The following PLOD2 variants were observed in gnomAD, a reference collection of about 807,000 sequenced individuals.
PLOD2 encodes the protein procollagen-lysine,2-oxoglutarate 5-dioxygenase 2.
Under a neutral mutation model 101.0 loss-of-function variants are expected in PLOD2, and 65 were observed. The observed-to-expected ratio is 0.64, with a 90% CI of 0.53 to 0.79. The LOEUF is 0.79. PLOD2 is among the 30% of genes least tolerant of loss of function. PLOD2 has a pLI of 0.00. For missense variants in PLOD2, 909 were observed against 914.6 expected, an observed-to-expected ratio of 0.99 and a Z score of 0.08; for synonymous variants, 314 against 302.9, an observed-to-expected ratio of 1.04 and a Z score of -0.38.
intron 4 of PLOD2, among the ~76,000 whole-genome samples, chr3:146,108,151 T>C (rs1937569057): frequency 6.6e-6 from 1 of 152,124 alleles, no homozygotes; most frequent in Admixed American, 6.6e-5. Context: ...ACATATTTTA[T>C]GTGATTTATA....
chr3:146,137,743 C>T (rs574960160), intron 1 of PLOD2, among the ~76,000 whole-genome samples: 3 of 152,162 alleles, frequency 2.0e-5, no homozygotes, highest in South Asian at 4.1e-4. Flanking sequence ...GAATAAATTC[C>T]GAGTACCAGG....
chr3:146,146,724 G>A (rs965032), intron 1 of PLOD2, among the ~76,000 whole-genome samples: 104,512 of 152,118 alleles, frequency 0.69, 36,295 homozygotes, highest in East Asian at 0.8. Flanking sequence ...CTGATTCCCC[G>A]CTGGGACAGA....
chr3:146,084,893 C>CA (rs1421858110), intron 11 of PLOD2, among the ~76,000 whole-genome samples: 1 of 152,034 alleles, frequency 6.6e-6, no homozygotes, highest in Non-Finnish European at 1.5e-5. Flanking sequence ...ATTTTAGTAT[C>CA]AGATGTATCA....
At chr3:146,076,965 T>C in intron 14 of PLOD2, 70 bp from the exon 15 acceptor site, 2 of 1,312,238 alleles carry the variant, frequency 1.5e-6, no homozygotes, top group African/African-American at 1.6e-5. Flanking sequence ...ATAGGAAAAA[T>C]ATATAGAAGA....
chr3:146,155,065 T>C (rs1319802649), intron 1 of PLOD2, among the ~76,000 whole-genome samples: 1 of 152,200 alleles, frequency 6.6e-6, no homozygotes, highest in Non-Finnish European at 1.5e-5. Context: ...TGAAGAGGTA[T>C]CTTTGTGACA....
chr3:146,088,656 G>A lies in PLOD2; in HGVS notation c.935C>T (p.Pro312Leu), dbSNP rs779234040. The change falls in exon 9 of 20, where the codon CCT (proline) becomes CTT (leucine). Residue 312 changes from proline to leucine, a missense_variant. Coordinates refer to ENST00000282903, the MANE Select transcript of PLOD2 (RefSeq NM_182943.3). ...TGTCAACAATATGTCCAGAAACCGAGGTAGAAAAGGGGTTGGTTGCTCAAT... is the reference window on the plus strand; with the variant it reads ...TGTCAACAATATGTCCAGAAACCGAAGTAGAAAAGGGGTTGGTTGCTCAAT... The part of the protein sequence containing the change: ...VFIEQPTPFL[P>L]RFLDILLTLD... The A allele has an allele frequency of 1.2e-6, 2 of 1,605,594 alleles. No homozygotes were observed. The highest frequency in any genetic ancestry group is 2.2e-5 in the South Asian group (2 of 90,820).
intron 1 of PLOD2, 83 bp from the exon 2 acceptor site, chr3:146,124,312 C>T (rs2030408189): frequency 4.0e-6 from 3 of 759,254 alleles, no homozygotes; most frequent in Non-Finnish European, 7.1e-6. Context: ...TAATTGAGAC[C>T]TCACTAAACC....
chr3:146,112,768 T>C (rs1450719792), intron 3 of PLOD2, among the ~76,000 whole-genome samples: 6 of 151,358 alleles, frequency 4.0e-5, no homozygotes, highest in African/African-American at 1.5e-4. Context: ...GGAGAATTGC[T>C]TGAACCCGAG....
intron 1 of PLOD2, among the ~76,000 whole-genome samples, chr3:146,150,833 A>G (rs1282060503): frequency 6.6e-6 from 1 of 152,232 alleles, no homozygotes; most frequent in African/African-American, 2.4e-5. Context: ...ACAGCATACA[A>G]TATTTAAATG....
At chr3:146,093,456 GAAAT>G (rs1332764442) in intron 7 of PLOD2, among the ~76,000 whole-genome samples, 7 of 152,086 alleles carry the variant, frequency 4.6e-5, no homozygotes, top group African/African-American at 1.7e-4. Flanking sequence ...AATAAAAACA[GAAAT>G]AAATATTTTA....
chr3:146,106,416 G>T, intron 5 of PLOD2, 116 bp downstream of exon 5: 1 of 716,726 alleles, frequency 1.4e-6, no homozygotes, highest in Non-Finnish European at 2.6e-6. Flanking sequence ...TTGAAATTCA[G>T]TTTACCATTT....
chr3:146,132,512 T>C (rs889858656), intron 1 of PLOD2, among the ~76,000 whole-genome samples: 3 of 152,214 alleles, frequency 2.0e-5, no homozygotes, highest in Non-Finnish European at 4.4e-5. Context: ...CCATCCTTTA[T>C]AGATACTTCA....
intron 3 of PLOD2, among the ~76,000 whole-genome samples, chr3:146,116,654 C>A: frequency 6.6e-6 from 1 of 151,804 alleles, no homozygotes; most frequent in South Asian, 2.1e-4. Context: ...TATTATTCAC[C>A]CATAAAAAAG....
At chr3:146,146,149 T>TA (rs1308225778) in intron 1 of PLOD2, among the ~76,000 whole-genome samples, 1 of 152,184 alleles carries the variant, frequency 6.6e-6, no homozygotes, top group Non-Finnish European at 1.5e-5. Flanking sequence ...AGCTCCACGT[T>TA]AAAAAGCATG....
At chr3:146,103,679 T>G (rs1406114536) in intron 6 of PLOD2, among the ~76,000 whole-genome samples, 1 of 152,152 alleles carries the variant, frequency 6.6e-6, no homozygotes, top group Admixed American at 6.6e-5. Context: ...TTGCAATATA[T>G]TCTCAATTTT....
chr3:146,147,642 C>T (rs2031847246), intron 1 of PLOD2, among the ~76,000 whole-genome samples: 1 of 152,180 alleles, frequency 6.6e-6, no homozygotes, highest in Non-Finnish European at 1.5e-5. Context: ...AACAAAATGT[C>T]TCTAGACGTT....
chr3:146,128,443 T>A (rs926199553), intron 1 of PLOD2, among the ~76,000 whole-genome samples: 1 of 152,182 alleles, frequency 6.6e-6, no homozygotes, highest in Admixed American at 6.6e-5. Flanking sequence ...AGGTGATGCA[T>A]CTATACAGTG....
intron 1 of PLOD2, among the ~76,000 whole-genome samples, chr3:146,124,459 T>C (rs539873681): frequency 5.1e-4 from 78 of 152,128 alleles, no homozygotes; most frequent in Non-Finnish European, 7.6e-4. Flanking sequence ...AAAAAGTATA[T>C]TGATGATTAA....
Position 146,143,215 on chromosome 3 carries a change from A to G in PLOD2, c.109+17666T>C, listed in dbSNP as rs146073992. On this transcript the variant is annotated intron_variant, in intron 1 of 19. Coordinates refer to ENST00000282903, the MANE Select transcript of PLOD2 (RefSeq NM_182943.3). The stretch of plus-strand genomic sequence containing the variant: ...TAACATTACAGACACAAAGAAGACT[A>G]TAAGTTTTAATAGTAAGTATTAAAA... Among the ~76,000 whole-genome samples, 748 of 152,176 alleles carry G rather than the reference A, an allele frequency of 4.9e-3. 6 individuals are homozygous for G. The highest frequency in any genetic ancestry group is 0.017 in the African/African-American group (711 of 41,530).
Sources: allele counts gnomAD v4.1 joint callset (sites outside exome capture counted in the v4.1 genomes callset), GRCh38; gene constraint gnomAD v4.1.1; transcripts MANE v1.5; gene names NCBI Gene and HGNC (gene_info 2026-07-23, HGNC 2026-07-21).